Variants in OSBPL1A observed in about 807,000 individuals in gnomAD.
OSBPL1A encodes the protein oxysterol-binding protein-related protein 1.
In OSBPL1A, 80 loss-of-function variants were observed where a neutral mutation model predicts 137.1. The ratio of observed to expected loss-of-function variants is 0.58; its 90% CI spans 0.49 to 0.70. The LOEUF is 0.70. OSBPL1A is among the 30% of genes least tolerant of loss of function. The pLI is 0.00. For missense variants in OSBPL1A, 970 were observed against 1,129.4 expected, an observed-to-expected ratio of 0.86 and a Z score of 2.02; for synonymous variants, 365 against 389.7, an observed-to-expected ratio of 0.94 and a Z score of 0.75.
At chr18:24,274,415 G>A (rs918440117) in intron 15 of OSBPL1A, among the ~76,000 whole-genome samples, 1 of 152,062 alleles carries the variant, frequency 6.6e-6, no homozygotes, top group South Asian at 2.1e-4. Context: ...ATAAGCATAT[G>A]TAAATGTTCA....
chr18:24,301,306 G>A (rs1196754272), intron 14 of OSBPL1A: 1 of 152,144 alleles, frequency 6.6e-6, no homozygotes, highest in African/African-American at 2.4e-5. Flanking sequence ...CATTACGAAT[G>A]ACATGTCATA....
chr18:24,250,924 T>G (rs1233022112), intron 15 of OSBPL1A, among the ~76,000 whole-genome samples: 2 of 152,140 alleles, frequency 1.3e-5, no homozygotes, highest in African/African-American at 4.8e-5. Flanking sequence ...CATAAGCTGA[T>G]GAAAGAGCCC....
In OSBPL1A at chr18:24,271,970, C is replaced by A; in HGVS notation, c.1281+8872G>T. On this transcript the variant is annotated intron_variant, in intron 15 of 27. Coordinates refer to ENST00000319481, the MANE Select transcript of OSBPL1A (RefSeq NM_080597.4). This position sits in a 1 kb window ranked among gnomAD's most constrained non-coding sequence, Gnocchi z 4.0. ...CCGCAGACCCGCCCTCCGGGGCTCG[C>A]GGGGAGAGCGCGGGCGGGCGGCGGC... 1.0e-6 allele frequency: 1 copy of A among 982,102 alleles called. No individual in the cohort carries two copies. Among genetic ancestry groups the A allele is most frequent in the Non-Finnish European group, 1.2e-6 (1 of 828,808 alleles). 60.8% of individuals were successfully genotyped at this position (982,102 alleles called of 1,614,324 possible).
At chr18:24,311,467 C>A in intron 13 of OSBPL1A, 1 of 985,688 alleles carries the variant, frequency 1.0e-6, no homozygotes, top group Non-Finnish European at 1.2e-6. Context: ...TGCTGATATT[C>A]CTCTAGGGAT....
At chr18:24,221,292 T>C (rs1458268357) in intron 17 of OSBPL1A, among the ~76,000 whole-genome samples, 1 of 152,198 alleles carries the variant, frequency 6.6e-6, no homozygotes. Flanking sequence ...TGACAACTGT[T>C]ATGTTACACT....
intron 18 of OSBPL1A, among the ~76,000 whole-genome samples, chr18:24,188,484 T>C (rs1280634057): frequency 2.0e-5 from 3 of 152,242 alleles, no homozygotes; most frequent in South Asian, 2.1e-4. Context: ...GAAAAGCTGC[T>C]AAAATTCTAC....
intron 15 of OSBPL1A, among the ~76,000 whole-genome samples, chr18:24,240,814 C>A (rs1301380320): frequency 6.6e-6 from 1 of 152,130 alleles, no homozygotes; most frequent in Admixed American, 6.6e-5. Flanking sequence ...CTGAATGAAG[C>A]AGAAGCCACA....
At chr18:24,218,223 T>C (rs961134127) in intron 17 of OSBPL1A, 18 of 152,184 alleles carry the variant, frequency 1.2e-4, no homozygotes, top group Non-Finnish European at 1.6e-4. Context: ...TACATGATAA[T>C]AGTACTGTGG....
Position 24,351,347 on chromosome 18 carries a change from C to CAAAAAAAAAAAA in OSBPL1A, c.283-9701_283-9690dup, listed in dbSNP as rs1172514692. ...CTGGACAACAGAGAAGACTCTGTCT[C>CAAAAAAAAAAAA]AAAAAAAAAAAAAAAAAAAAAAGAC... On this transcript the variant is annotated intron_variant, in intron 4 of 27. Transcript: ENST00000319481. Among the ~76,000 whole-genome samples the CAAAAAAAAAAAA allele has an allele frequency of 1.6e-3, 56 of 35,766 alleles. 1 individual carries two copies. Among genetic ancestry groups the CAAAAAAAAAAAA allele is most frequent in the East Asian group, 3.0e-3 (2 of 670 alleles). The allele number at this position is 35,766 out of a possible 152,430, so 23.5% of individuals were successfully genotyped here.
intron 1 of OSBPL1A, among the ~76,000 whole-genome samples, chr18:24,388,347 TGGATGGGC>T (rs1017833747): frequency 3.8e-4 from 58 of 152,252 alleles, no homozygotes; most frequent in African/African-American, 1.3e-3. Flanking sequence ...ACCGGATGGA[TGGATGGGC>T]GGATGGATGA....
chr18:24,231,937 T>C (rs1015834339), intron 16 of OSBPL1A, among the ~76,000 whole-genome samples: 2 of 152,184 alleles, frequency 1.3e-5, no homozygotes, highest in African/African-American at 4.8e-5. Context: ...GAACAAATAG[T>C]ACACAAAGCA....
intron 15 of OSBPL1A, among the ~76,000 whole-genome samples, chr18:24,266,348 G>T (rs1186914271): frequency 6.6e-6 from 1 of 152,190 alleles, no homozygotes; most frequent in Admixed American, 6.5e-5. Context: ...GGTTATCCTG[G>T]CTTGTTCCTC....
chr18:24,294,902 A>G (rs1725856082), intron 14 of OSBPL1A, among the ~76,000 whole-genome samples: 1 of 152,136 alleles, frequency 6.6e-6, no homozygotes, highest in Non-Finnish European at 1.5e-5. Flanking sequence ...TTTTCATATA[A>G]TGACTTCTTT....
intron 1 of OSBPL1A, among the ~76,000 whole-genome samples, chr18:24,389,637 C>G (rs989873957): frequency 2.6e-5 from 4 of 152,066 alleles, no homozygotes; most frequent in African/African-American, 9.7e-5. Flanking sequence ...CTTTAAAATT[C>G]CAGCTTAATA....
At chr18:24,314,222 GA>G in intron 12 of OSBPL1A, 26 bp downstream of exon 12, 1 of 1,467,642 alleles carries the variant, frequency 6.8e-7, no homozygotes, top group African/African-American at 1.4e-5. Context: ...TAAGTTTTAG[GA>G]AAGATACATG....
chr18:24,356,911 C>T (rs2091546048), intron 4 of OSBPL1A, among the ~76,000 whole-genome samples: 1 of 152,178 alleles, frequency 6.6e-6, no homozygotes, highest in Non-Finnish European at 1.5e-5. Context: ...TATAGCCACT[C>T]TGCCACCTCA....
At chr18:24,283,678 T>C (rs1211161910) in intron 14 of OSBPL1A, among the ~76,000 whole-genome samples, 2 of 152,180 alleles carry the variant, frequency 1.3e-5, no homozygotes, top group African/African-American at 2.4e-5. Flanking sequence ...ACACAGCCTA[T>C]CCCTTCCATA....
At chr18:24,391,064 T>C (rs1568072444) in intron 1 of OSBPL1A, among the ~76,000 whole-genome samples, 2 of 152,072 alleles carry the variant, frequency 1.3e-5, no homozygotes, top group African/African-American at 2.4e-5. Flanking sequence ...CCCACCACTT[T>C]GCACTACAGC....
intron 27 of OSBPL1A, among the ~76,000 whole-genome samples, chr18:24,164,718 G>A (rs2086104970): frequency 1.3e-5 from 2 of 152,074 alleles, no homozygotes; most frequent in South Asian, 4.1e-4. Context: ...GTGAGCCACT[G>A]CACCCCGCCA....
Sources: gnomAD v4.1 joint callset for allele counts (sites outside exome capture counted in the v4.1 genomes callset) on GRCh38, gnomAD v4.1.1 for gene constraint, Gnocchi (gnomAD v3.1) non-coding constraint, MANE v1.5 for transcripts, NCBI Gene and HGNC (gene_info 2026-07-23, HGNC 2026-07-21) for gene names.